Variants in SP140L observed in about 807,000 individuals in gnomAD.
The protein encoded by SP140L is nuclear body protein SP140-like protein.
In SP140L, 64 loss-of-function variants were observed where a neutral mutation model predicts 84.3. The ratio of observed to expected loss-of-function variants is 0.76; its 90% CI spans 0.62 to 0.94. SP140L has a LOEUF of 0.94. Ranked by LOEUF, SP140L falls within the 40% of genes least tolerant of loss-of-function variation. The pLI is 0.00. For synonymous variants in SP140L, 242 were observed against 236.9 expected, an observed-to-expected ratio of 1.02 and a Z score of -0.20; for missense variants, 628 against 692.5, an observed-to-expected ratio of 0.91 and a Z score of 1.05.
intron 2 of SP140L, chr2:230,342,275 C>T (rs1401127963): frequency 6.5e-6 from 1 of 154,320 alleles, no homozygotes; most frequent in African/African-American, 2.4e-5. Context: ...TCCGTCACCC[C>T]TTTCTTTGAC....
Position 230,402,830 on chromosome 2 carries a change from G to A in SP140L, c.1677G>A (p.Leu559=), listed in dbSNP as rs1377597234. 3 of 1,612,482 alleles carry A rather than the reference G, an allele frequency of 1.9e-6. 1 individual carries two copies. Among genetic ancestry groups the A allele is most frequent in the East Asian group, 2.2e-5 (1 of 44,820 alleles). ...YKDFGQMGLR[L]EAEFEKDFKE... is the part of the protein sequence containing the mutation. ...ATTTTGGCCAAATGGGACTTAGACTGGAGGCTGAATTTGAGAAGGATTTCA... is the reference window on the plus strand; with the variant it reads ...ATTTTGGCCAAATGGGACTTAGACTAGAGGCTGAATTTGAGAAGGATTTCA... Residue 559 remains leucine, a synonymous_variant, in exon 19 of 19, where the codon CTG becomes CTA. Coordinates refer to ENST00000415673, the MANE Select transcript of SP140L (RefSeq NM_138402.6).
intron 14 of SP140L, among the ~76,000 whole-genome samples, chr2:230,399,566 C>T (rs1342386077): frequency 6.6e-6 from 1 of 152,196 alleles, no homozygotes; most frequent in East Asian, 1.9e-4. Context: ...CCCACCTGGT[C>T]ATGTGTACTC....
At chr2:230,350,671 A>C (rs1363324743) in intron 2 of SP140L, among the ~76,000 whole-genome samples, 1 of 152,158 alleles carries the variant, frequency 6.6e-6, no homozygotes, top group Non-Finnish European at 1.5e-5. Context: ...ACAAATGTGT[A>C]ATTTATTTAA....
At chr2:230,386,673 G>T (rs1403131556) in intron 9 of SP140L, among the ~76,000 whole-genome samples, 1 of 152,124 alleles carries the variant, frequency 6.6e-6, no homozygotes, top group Admixed American at 6.6e-5. Context: ...AGTTTGTTCT[G>T]TACCAAAACC....
chr2:230,370,397 G>T (rs1207341484), intron 5 of SP140L, among the ~76,000 whole-genome samples: 4 of 152,066 alleles, frequency 2.6e-5, no homozygotes, highest in Non-Finnish European at 5.9e-5. Flanking sequence ...GAAATAGGTT[G>T]TCCTCTCCAG....
intron 5 of SP140L, among the ~76,000 whole-genome samples, chr2:230,366,693 G>GT (rs1559432167): frequency 8.7e-6 from 1 of 114,370 alleles, no homozygotes; most frequent in Non-Finnish European, 1.6e-5. Flanking sequence ...TTTTCTGGTT[G>GT]TTTTGTGGAT....
At chr2:230,393,207 A>G (rs1366120563) in intron 12 of SP140L, among the ~76,000 whole-genome samples, 1 of 152,230 alleles carries the variant, frequency 6.6e-6, no homozygotes, top group Non-Finnish European at 1.5e-5. Context: ...AGAAGGGAAA[A>G]TGGTCCTGAA....
rs77769513 is a variant in SP140L at position 230,389,319 on chromosome 2, C to G, written c.860-600C>G. Among the ~76,000 whole-genome samples, 1,394 of 152,172 alleles carry G rather than the reference C, an allele frequency of 9.2e-3. 24 individuals carry two copies. The highest frequency in any genetic ancestry group is 0.032 in the African/African-American group (1,334 of 41,514). On this transcript the variant is annotated intron_variant, in intron 10 of 18. Transcript: ENST00000415673. The stretch of plus-strand genomic sequence containing the variant: ...CTTTCACACCTACTTCTGTAGTATC[C>G]GGTTCTCAGTTCCCCACCCCCTGCT...
At chr2:230,352,438 G>C (rs2060391783) in intron 2 of SP140L, among the ~76,000 whole-genome samples, 1 of 152,174 alleles carries the variant, frequency 6.6e-6, no homozygotes, top group Non-Finnish European at 1.5e-5. Context: ...GAGCAAGAGA[G>C]AGGGAGTGAG....
intron 2 of SP140L, among the ~76,000 whole-genome samples, chr2:230,333,042 T>A (rs2059769725): frequency 6.6e-6 from 1 of 152,170 alleles, no homozygotes; most frequent in Non-Finnish European, 1.5e-5. Flanking sequence ...GGAAAAAAAA[T>A]TATTCTTAAA....
chr2:230,371,048 G>C, intron 6 of SP140L, 81 bp downstream of exon 6: 2 of 1,237,264 alleles, frequency 1.6e-6, no homozygotes, highest in South Asian at 2.5e-5. Flanking sequence ...AGGTGCTCCA[G>C]TCCGCCCAGA....
At position 230,359,097 on chromosome 2, in the gene SP140L, C is replaced by G. The variant is rs777163117; in HGVS notation, c.404C>G (p.Pro135Arg). ...LFSEVNMQEY[P>R]DLIHIYKSFK... ...AGCGAGGTCAACATGCAGGAATACC[C>G]CGATTTAATTCACATTTATAAAAGC... Residue 135 changes from proline to arginine, a missense_variant, in exon 4 of 19, where the codon CCC (proline) becomes CGC (arginine). Physicochemically the swap from Pro to Arg is moderately radical, Grantham distance 103. Transcript: ENST00000415673. The G allele has an allele frequency of 1.1e-5, 18 of 1,607,990 alleles. No individual in the cohort carries two copies. Among genetic ancestry groups the G allele is most frequent in the Admixed American group, 1.7e-5 (1 of 57,672 alleles).
intron 2 of SP140L, among the ~76,000 whole-genome samples, chr2:230,348,623 A>T (rs1369129562): frequency 1.3e-5 from 2 of 152,232 alleles, no homozygotes; most frequent in Non-Finnish European, 2.9e-5. Context: ...TAAGTAGTTT[A>T]TTGAAAATAT....
chr2:230,342,565 A>G (rs367979324), intron 2 of SP140L, among the ~76,000 whole-genome samples: 10 of 151,936 alleles, frequency 6.6e-5, no homozygotes, highest in East Asian at 1.9e-4. Flanking sequence ...TACTTATTCA[A>G]TCAGTTTACT....
At chr2:230,396,038 C>T (rs999732868) in intron 13 of SP140L, among the ~76,000 whole-genome samples, 1 of 152,154 alleles carries the variant, frequency 6.6e-6, no homozygotes, top group African/African-American at 2.4e-5. Flanking sequence ...CCCTGTGGTC[C>T]CTGTAGGCTG....
chr2:230,335,466 C>T (rs565026549), intron 2 of SP140L, among the ~76,000 whole-genome samples: 2 of 152,324 alleles, frequency 1.3e-5, no homozygotes, highest in Admixed American at 1.3e-4. Context: ...CGTCTGGAAG[C>T]AGCTTTTAAA....
intron 5 of SP140L, among the ~76,000 whole-genome samples, chr2:230,363,621 T>G (rs2060787757): frequency 6.6e-6 from 1 of 152,162 alleles, no homozygotes; most frequent in Admixed American, 6.5e-5. Context: ...CTTCTGTAGG[T>G]TGTCTCTTCA....
chr2:230,337,407 T>C (rs2059910988), intron 2 of SP140L, among the ~76,000 whole-genome samples: 1 of 152,168 alleles, frequency 6.6e-6, no homozygotes, highest in African/African-American at 2.4e-5. Context: ...CTTTGTCAGA[T>C]GAGTAGGTTG....
Position 230,388,704 on chromosome 2 carries a change from C to T in SP140L, c.859+71C>T, listed in dbSNP as rs950932777. On this transcript the variant is annotated intron_variant, in intron 10 of 18. Coordinates refer to ENST00000415673, the MANE Select transcript of SP140L (RefSeq NM_138402.6). The stretch of plus-strand genomic sequence containing the variant: ...TTTCCTGTGCTTTATGCTGTATTTT[C>T]AGTAATAAACCTATTTCTTTAATTG... 91 of 1,257,154 alleles carry T rather than the reference C, an allele frequency of 7.2e-5. 1 individual carries two copies. The South Asian group carries it at 9.7e-4, about 13-fold the overall frequency. The allele number at this position is 1,257,154 out of a possible 1,614,324, so 77.9% of individuals were successfully genotyped here.
Sources: gnomAD v4.1 joint callset for allele counts (sites outside exome capture counted in the v4.1 genomes callset) on GRCh38, gnomAD v4.1.1 for gene constraint, MANE v1.5 for transcripts, NCBI Gene and HGNC (gene_info 2026-07-23, HGNC 2026-07-21) for gene names.